Variants in ENPP1 observed in about 807,000 individuals in gnomAD.
ENPP1 encodes the protein ectonucleotide pyrophosphatase/phosphodiesterase 1, also known as ectonucleotide pyrophosphatase/phosphodiesterase family member 1.
Under a neutral mutation model 122.8 loss-of-function variants are expected in ENPP1, and 73 were observed. That is an observed-to-expected ratio of 0.59 (90% CI 0.49 to 0.72). ENPP1 has a LOEUF of 0.72. Among genes scored for constraint, ENPP1 ranks in the 30% least tolerant of loss-of-function variants. ENPP1 has a pLI of 0.00. For missense variants in ENPP1, 978 were observed against 1,128.1 expected (o/e 0.87, Z 1.91); for synonymous variants, 367 against 391.6 (o/e 0.94, Z 0.74).
In ENPP1 at chr6:131,878,193, A is replaced by T. The variant is rs190951049; in HGVS notation, c.1894-349A>T. Among the ~76,000 whole-genome samples the T allele has an allele frequency of 3.3e-5, 5 of 152,064 alleles. No homozygotes were observed. In the East Asian group the frequency reaches 9.7e-4, roughly 29 times the overall value. Reference sequence around the variant, plus strand: ...GAGGATTGCTTGAGACCAGGAGTTCAAGACCAGACTGGGCAACATAGTGAG... The same window carrying T: ...GAGGATTGCTTGAGACCAGGAGTTCTAGACCAGACTGGGCAACATAGTGAG... On this transcript the variant is annotated intron_variant, in intron 18 of 24. Transcript: ENST00000647893.
At position 131,894,348 on chromosome 6, in the gene ENPP1, T is replaced by C. The variant is rs55725924; in HGVS notation, c.*3837T>C. The C allele has an allele frequency of 0.16, 24,119 of 150,220 alleles. 3,555 individuals are homozygous for C. The highest frequency in any genetic ancestry group is 0.39 in the African/African-American group (15,786 of 40,480). The allele number at this position is 150,220 out of a possible 1,614,324, so 9.3% of individuals were successfully genotyped here. A position where few individuals can be genotyped will look rare whatever the true frequency, so the allele number is the denominator to read the frequency against. ...TGGCCCAGGCTAGACTGCAGTGGCA[T>C]GATCTCGGCTCACTGCAACCTCCAC... On this transcript the variant is annotated 3_prime_UTR_variant, in exon 25 of 25. Transcript: ENST00000647893.
Position 131,808,174 on chromosome 6 carries a change from GCGTCCTTGCTGGC to G in ENPP1, c.141_153del (p.Ser48LeufsTer36). 6.8e-7 allele frequency: 1 copy of G among 1,468,354 alleles called. No individual in the cohort carries two copies. Among genetic ancestry groups the G allele is most frequent in the East Asian group, 3.0e-5 (1 of 33,742 alleles). The allele number at this position is 1,468,354 out of a possible 1,614,324, so 91.0% of individuals were successfully genotyped here. A position where few individuals can be genotyped will look rare whatever the true frequency, so the allele number is the denominator to read the frequency against. Reference sequence around the variant, plus strand: ...GGCGCCCGGGGACCCGCAGGCGGCCGCGTCCTTGCTGGCCCCTATGGACGTGGGGGAGGAGCCG... The same window carrying G: ...GGCGCCCGGGGACCCGCAGGCGGCCGCCCTATGGACGTGGGGGAGGAGCCG... On this transcript the variant is annotated frameshift_variant, in exon 1 of 25. Transcript: ENST00000647893. LOFTEE classifies it high-confidence loss of function.
chr6:131,820,705 A>G (rs995511896), intron 1 of ENPP1: 6 of 152,190 alleles, frequency 3.9e-5, no homozygotes, highest in Admixed American at 2.6e-4. Context: ...ATCCATCCCC[A>G]TGTTAGAGAT....
intron 1 of ENPP1, among the ~76,000 whole-genome samples, chr6:131,839,061 T>TA (rs1473700229): frequency 6.6e-6 from 1 of 152,156 alleles, no homozygotes; most frequent in Non-Finnish European, 1.5e-5. Context: ...ACTCTAATCT[T>TA]ACCATCCTTA....
In ENPP1 at chr6:131,878,427, A is replaced by T; in HGVS notation, c.1894-115A>T. The T allele has an allele frequency of 4.0e-6, 3 of 741,338 alleles. No homozygotes were observed. The South Asian group carries it at 4.4e-5, about 11-fold the overall frequency. 45.9% of individuals were successfully genotyped at this position (741,338 alleles called of 1,614,324 possible). A position where few individuals can be genotyped will look rare whatever the true frequency, so the allele number is the denominator to read the frequency against. ...AGAAAAAAAAATCCACTAATACAAG[A>T]CTATCATAAATGATCTTTGTTCTAT... On this transcript the variant is annotated intron_variant, in intron 18 of 24. Transcript: ENST00000647893.
At chr6:131,817,377 A>T in intron 1 of ENPP1, among the ~76,000 whole-genome samples, 1 of 152,162 alleles carries the variant, frequency 6.6e-6, no homozygotes, top group East Asian at 1.9e-4. Context: ...ATTGAGATAT[A>T]TATGTGTCTT....
Position 131,837,172 on chromosome 6 carries a change from TTGTGTGTGTGTGTGTG to T in ENPP1, c.241-10578_241-10563del, listed in dbSNP as rs67550562. ...AGCTTATTTGGGGTTCCTGTTGTCA[TTGTGTGTGTGTGTGTG>T]TGTGTGTGTGTGTGTGTGTGTGTGT... On this transcript the variant is annotated intron_variant, in intron 1 of 24. Coordinates refer to ENST00000647893, the MANE Select transcript of ENPP1 (RefSeq NM_006208.3). 1.6e-3 allele frequency among the ~76,000 whole-genome samples: 218 copies of T among 136,058 alleles called. 2 individuals are homozygous for T. Among genetic ancestry groups the T allele is most frequent in the Admixed American group, 5.1e-3 (68 of 13,450 alleles). The allele number at this position is 136,058 out of a possible 152,430, so 89.3% of individuals were successfully genotyped here.
rs1259380914 is a variant in ENPP1 at position 131,879,958 on chromosome 6, C to G, written c.2024C>G (p.Ser675Cys). 10 of 1,613,686 alleles carry G rather than the reference C, an allele frequency of 6.2e-6. No homozygotes were observed. In the East Asian group the frequency reaches 6.7e-5, roughly 11 times the overall value. ...LQKENTICLLSQHQFMSGYSQ... is the reference protein window; with the variant it reads ...LQKENTICLLCQHQFMSGYSQ... ...AAGGAAAACACCATCTGTCTTCTTT[C>G]CCAGCACCAGTTTATGAGTGGATAC... The change falls in exon 20 of 25, where the codon TCC becomes TGC. Residue 675 changes from serine to cysteine, a missense_variant. Physicochemically the swap from Ser to Cys is moderately radical, Grantham distance 112 (BLOSUM62 -1). Transcript: ENST00000647893.
At chr6:131,837,172 TTG>T (rs67550562) in intron 1 of ENPP1, among the ~76,000 whole-genome samples, 18,313 of 135,766 alleles carry the variant, frequency 0.13, 1,332 homozygotes, top group African/African-American at 0.21. Flanking sequence ...CCTGTTGTCA[TTG>T]TGTGTGTGTG....
intron 2 of ENPP1, among the ~76,000 whole-genome samples, chr6:131,848,634 A>G (rs962150569): frequency 6.6e-6 from 1 of 152,248 alleles, no homozygotes; most frequent in Admixed American, 6.5e-5. Context: ...TGAAGTAAAC[A>G]GTTACAGACT....
At chr6:131,836,981 G>A (rs764540358) in intron 1 of ENPP1, among the ~76,000 whole-genome samples, 5 of 152,304 alleles carry the variant, frequency 3.3e-5, no homozygotes, top group Non-Finnish European at 7.4e-5. Context: ...TGAGCAGGTA[G>A]TGACAAGTAC....
rs1782454231 is a variant in ENPP1, at chr6:131,890,469, A to G, written c.2736A>G (p.Leu912=). The change falls in exon 25 of 25, where the codon TTA becomes TTG. Residue 912 remains leucine, a synonymous_variant. Transcript: ENST00000647893. ...GAAAAGAGCCAGTTTCAGACATTTT[A>G]AAGTTGAAAACACATTTGCCAACCT... ...QQRKEPVSDI[L]KLKTHLPTFS... 6.2e-7 allele frequency: 1 copy of G among 1,613,962 alleles called. No individual in the cohort carries two copies. The highest frequency in any genetic ancestry group is 8.5e-7 in the Non-Finnish European group (1 of 1,179,912).
intron 1 of ENPP1, among the ~76,000 whole-genome samples, chr6:131,811,818 T>C (rs1485158864): frequency 6.6e-6 from 1 of 152,206 alleles, no homozygotes; most frequent in Non-Finnish European, 1.5e-5. Context: ...AATTTTTCTT[T>C]CTCATTTCCT....
intron 6 of ENPP1, 110 bp downstream of exon 6, chr6:131,855,133 T>C (rs1781929035): frequency 3.7e-6 from 3 of 814,200 alleles, no homozygotes; most frequent in Non-Finnish European, 6.4e-6. Context: ...TTCACTAAAC[T>C]TTTCTATGGC....
At chr6:131,881,301 A>G in intron 20 of ENPP1, among the ~76,000 whole-genome samples, 1 of 152,178 alleles carries the variant, frequency 6.6e-6, no homozygotes, top group African/African-American at 2.4e-5. Context: ...TACTGTCTTC[A>G]AACACCAAAC....
At chr6:131,827,686 A>C (rs1274613761) in intron 1 of ENPP1, 6 of 657,326 alleles carry the variant, frequency 9.1e-6, no homozygotes, top group Non-Finnish European at 1.7e-5. Context: ...GTGCATGCGG[A>C]ATCTTCTCAC....
chr6:131,890,470 A>C lies in ENPP1; in HGVS notation c.2737A>C (p.Lys913Gln), dbSNP rs1562188275. The C allele has an allele frequency of 6.2e-7, 1 of 1,614,088 alleles. No homozygotes were observed. The highest frequency in any genetic ancestry group is 8.5e-7 in the Non-Finnish European group (1 of 1,179,916). The change falls in exon 25 of 25, where the codon AAG (lysine) becomes CAG (glutamine). Residue 913 changes from lysine to glutamine, a missense_variant. By Grantham distance (53) the Lys-to-Gln change is moderately conservative. This residue lies in a region of ENPP1 where 644 missense variants were observed against 781.5 expected (regional missense o/e 0.82). Coordinates refer to ENST00000647893, the MANE Select transcript of ENPP1 (RefSeq NM_006208.3). ...QRKEPVSDIL[K>Q]LKTHLPTFSQ... ...AAAAGAGCCAGTTTCAGACATTTTA[A>C]AGTTGAAAACACATTTGCCAACCTT...
At chr6:131,877,866 A>AAAAAAAAAAAAAAT (rs1562183349) in intron 18 of ENPP1, 2 of 53,022 alleles carry the variant, frequency 3.8e-5, no homozygotes, top group East Asian at 5.8e-4. Flanking sequence ...AAAAAAAAAA[A>AAAAAAAAAAAAAAT]ATATATATAT....
chr6:131,886,194 C>T (rs1212120623), intron 23 of ENPP1, among the ~76,000 whole-genome samples: 1 of 152,162 alleles, frequency 6.6e-6, no homozygotes, highest in Non-Finnish European at 1.5e-5. Flanking sequence ...CACTATTTGT[C>T]TATAATCGCC....
Sources: gnomAD v4.1 joint callset for allele counts (sites outside exome capture counted in the v4.1 genomes callset) on GRCh38, gnomAD v4.1.1 for gene constraint, gnomAD v4.1.1 regional missense constraint, MANE v1.5 for transcripts, NCBI Gene and HGNC (gene_info 2026-07-23, HGNC 2026-07-21) for gene names.